SEMA6D: variants seen among roughly 807,000 people sequenced by gnomAD.
SEMA6D encodes semaphorin 6D.
SEMA6D carries 35 observed loss-of-function variants against 106.6 expected under a neutral mutation model. The observed-to-expected ratio is 0.33, with a 90% CI of 0.25 to 0.44. The LOEUF (loss-of-function observed/expected upper bound fraction) is 0.44. Among genes scored for constraint, SEMA6D ranks in the 20% least tolerant of loss-of-function variants. The pLI, the probability that SEMA6D is intolerant of heterozygous loss-of-function variation, is 1.00. For missense variants in SEMA6D, 1,185 were observed against 1,345.9 expected (o/e 0.88, Z 1.87); for synonymous variants, 499 against 487.7 (o/e 1.02, Z -0.31).
chr15:47,576,962 A>G (rs2076165895), intron 3 of SEMA6D, among the ~76,000 whole-genome samples: 1 of 152,230 alleles, frequency 6.6e-6, no homozygotes, highest in South Asian at 2.1e-4. Context: ...CTTGGTACTT[A>G]TGCACACATG....
At position 47,759,730 on chromosome 15, in the gene SEMA6D, G is replaced by C; in HGVS notation, c.-54-15G>C. 9.0e-7 allele frequency: 1 copy of C among 1,111,588 alleles called. No homozygotes were observed. The highest frequency in any genetic ancestry group is 1.4e-6 in the Non-Finnish European group (1 of 723,404). The allele number at this position is 1,111,588 out of a possible 1,614,324, so 68.9% of individuals were successfully genotyped here. ...TGCAGCATAGAGATCTTTCCAAACT[G>C]CTTCTGTTTTCCAGGTAGCTCAGTG... On this transcript the variant is annotated splice_polypyrimidine_tract_variant and intron_variant, in intron 1 of 18. Transcript: ENST00000536845.
intron 3 of SEMA6D, among the ~76,000 whole-genome samples, chr15:47,570,338 C>A (rs2046349319): frequency 6.6e-6 from 1 of 152,082 alleles, no homozygotes; most frequent in Non-Finnish European, 1.5e-5. Context: ...CCATTACTCA[C>A]CTGGAAGAAG....
chr15:47,606,315 A>T (rs2076781306), intron 4 of SEMA6D: 1 of 152,076 alleles, frequency 6.6e-6, no homozygotes, highest in Non-Finnish European at 1.5e-5. Context: ...AGAGAGAGAG[A>T]TCTGAGAATA....
intron 1 of SEMA6D, among the ~76,000 whole-genome samples, chr15:47,367,672 GCT>G (rs1567030776): frequency 7.1e-6 from 1 of 141,326 alleles, no homozygotes; most frequent in Non-Finnish European, 1.5e-5. Context: ...AAACACGCAC[GCT>G]CACACGCGCG....
intron 16 of SEMA6D, 145 bp downstream of exon 16, chr15:47,766,822 G>A (rs1162276599): frequency 1.2e-5 from 8 of 659,528 alleles, no homozygotes; most frequent in Middle Eastern, 2.5e-4. Flanking sequence ...TGAGCTGTTC[G>A]GTCATGGGGA....
chr15:47,681,621 A>G (rs1270451697), intron 4 of SEMA6D, among the ~76,000 whole-genome samples: 1 of 152,212 alleles, frequency 6.6e-6, no homozygotes, highest in East Asian at 1.9e-4. Context: ...AAAAAAATAG[A>G]ATGAATGAAT....
intron 4 of SEMA6D, among the ~76,000 whole-genome samples, chr15:47,659,458 A>G (rs2077872369): frequency 6.6e-6 from 1 of 151,968 alleles, no homozygotes; most frequent in African/African-American, 2.4e-5. Context: ...AGATAGATAT[A>G]TGAATCAAAT....
At chr15:47,379,326 A>G (rs1182016963) in intron 1 of SEMA6D, among the ~76,000 whole-genome samples, 1 of 152,198 alleles carries the variant, frequency 6.6e-6, no homozygotes, top group African/African-American at 2.4e-5. Context: ...ATTCAATTAA[A>G]TCTCTAAAAT....
chr15:47,742,769 G>A (rs890145672), intron 1 of SEMA6D, among the ~76,000 whole-genome samples: 2 of 152,124 alleles, frequency 1.3e-5, no homozygotes, highest in Non-Finnish European at 2.9e-5. Flanking sequence ...CTGCTAGAAC[G>A]CCTTTCTTAC....
intron 1 of SEMA6D, among the ~76,000 whole-genome samples, chr15:47,261,908 T>C (rs2034093300): frequency 6.6e-6 from 1 of 152,192 alleles, no homozygotes; most frequent in Non-Finnish European, 1.5e-5. Flanking sequence ...ATTTTGCCTA[T>C]TGTTTTTCTA....
intron 1 of SEMA6D, among the ~76,000 whole-genome samples, chr15:47,190,548 TC>T: frequency 1.3e-5 from 2 of 152,294 alleles, no homozygotes; most frequent in Admixed American, 1.3e-4. Context: ...GTTTGGCCTT[TC>T]TTTATTCCAT....
At chr15:47,234,462 C>T (rs973326330) in intron 1 of SEMA6D, among the ~76,000 whole-genome samples, 22 of 151,850 alleles carry the variant, frequency 1.4e-4, no homozygotes, top group African/African-American at 4.1e-4. Context: ...GTACATTGTA[C>T]TCAATGTGTA....
chr15:47,192,467 T>G (rs899135508), intron 1 of SEMA6D, among the ~76,000 whole-genome samples: 1 of 152,208 alleles, frequency 6.6e-6, no homozygotes, highest in Non-Finnish European at 1.5e-5. Flanking sequence ...GGAAATAATC[T>G]GGGTTTCAGT....
At chr15:47,472,237 T>TTA (rs1201679912) in intron 3 of SEMA6D, among the ~76,000 whole-genome samples, 5 of 152,196 alleles carry the variant, frequency 3.3e-5, no homozygotes, top group African/African-American at 1.2e-4. Context: ...CCTGTGTATT[T>TTA]TAATAGCCCC....
chr15:47,200,646 C>T (rs1159720231), intron 1 of SEMA6D, among the ~76,000 whole-genome samples: 1 of 152,156 alleles, frequency 6.6e-6, no homozygotes, highest in Non-Finnish European at 1.5e-5. Flanking sequence ...TTAAAAGTTT[C>T]TATCTGGTAT....
chr15:47,650,829 G>T (rs187294249), intron 4 of SEMA6D, among the ~76,000 whole-genome samples: 4 of 152,250 alleles, frequency 2.6e-5, no homozygotes, highest in Non-Finnish European at 5.9e-5. Context: ...ACCCCACTGA[G>T]AAACAGGAAA....
At chr15:47,277,646 T>A (rs2034890482) in intron 1 of SEMA6D, among the ~76,000 whole-genome samples, 1 of 150,246 alleles carries the variant, frequency 6.7e-6, no homozygotes, top group African/African-American at 2.4e-5. Context: ...AGTTTTAGGG[T>A]ACATGTGCAC....
chr15:47,433,859 AT>A (rs1436287957), intron 2 of SEMA6D, among the ~76,000 whole-genome samples: 1 of 152,168 alleles, frequency 6.6e-6, no homozygotes, highest in Non-Finnish European at 1.5e-5. Flanking sequence ...TGTGGAAGAG[AT>A]TAAGATAAAG....
chr15:47,551,273 G>A (rs2045678484), intron 3 of SEMA6D, among the ~76,000 whole-genome samples: 1 of 152,104 alleles, frequency 6.6e-6, no homozygotes, highest in African/African-American at 2.4e-5. Flanking sequence ...CCAGCTGGGG[G>A]CACACTTATC....
Sources: gnomAD v4.1 joint callset for allele counts (sites outside exome capture counted in the v4.1 genomes callset) on GRCh38, gnomAD v4.1.1 for gene constraint, MANE v1.5 for transcripts, NCBI Gene and HGNC (gene_info 2026-07-23, HGNC 2026-07-21) for gene names.